RARB: variants seen among roughly 807,000 people sequenced by gnomAD.
The protein encoded by RARB is retinoic acid receptor beta, also known as HBV-activated protein.
RARB carries 17 observed loss-of-function variants against 51.9 expected under a neutral mutation model. That is an observed-to-expected ratio of 0.33 (90% confidence interval 0.22 to 0.49). RARB has a LOEUF of 0.49. Among genes scored for constraint, RARB ranks in the 20% least tolerant of loss-of-function variants. RARB has a pLI of 0.99. For synonymous variants in RARB, 215 were observed against 195.4 expected (o/e 1.10, Z -0.84); for missense variants, 369 against 550.8 (o/e 0.67, Z 3.30).
intron 5 of RARB, among the ~76,000 whole-genome samples, chr3:25,409,648 G>T (rs1365141458): frequency 6.6e-6 from 1 of 152,138 alleles, no homozygotes; most frequent in Non-Finnish European, 1.5e-5. Flanking sequence ...GGTATACAGA[G>T]TGCAAACTGC....
chr3:24,939,196 C>T (rs1695607835), intron 2 of RARB, among the ~76,000 whole-genome samples: 1 of 152,132 alleles, frequency 6.6e-6, no homozygotes, highest in Non-Finnish European at 1.5e-5. Context: ...GTTGGCCAGG[C>T]TTCTCTCAAA....
chr3:24,995,867 G>T (rs6771624), intron 2 of RARB, among the ~76,000 whole-genome samples: 1 of 151,768 alleles, frequency 6.6e-6, no homozygotes, highest in Non-Finnish European at 1.5e-5. Context: ...GTTTGCTAGT[G>T]TTTTGTTAAG....
chr3:25,258,467 T>C (rs762298466), intron 5 of RARB, among the ~76,000 whole-genome samples: 10 of 152,112 alleles, frequency 6.6e-5, no homozygotes, highest in Non-Finnish European at 1.3e-4. Context: ...ATGATTCTGA[T>C]AACATGATCT....
chr3:25,384,899 C>T (rs555898725), intron 5 of RARB, among the ~76,000 whole-genome samples: 9 of 152,288 alleles, frequency 5.9e-5, no homozygotes, highest in South Asian at 4.1e-4. Flanking sequence ...CATTTCTTTC[C>T]TTCATAGCCA....
intron 2 of RARB, among the ~76,000 whole-genome samples, chr3:25,040,657 G>A (rs969538049): frequency 6.6e-6 from 1 of 152,002 alleles, no homozygotes; most frequent in Non-Finnish European, 1.5e-5. Flanking sequence ...GGAGACTGAG[G>A]CAGAAGAATT....
rs1156800924 is a variant in RARB at position 25,303,436 on chromosome 3, T to G, written c.178+128861T>G. Among the ~76,000 whole-genome samples, 3 of 152,228 alleles carry G rather than the reference T, an allele frequency of 2.0e-5. No individual in the cohort carries two copies. The East Asian group carries it at 5.8e-4, about 29-fold the overall frequency. On this transcript the variant is annotated intron_variant, in intron 5 of 11. Coordinates refer to the RARB transcript ENST00000383772. Reference sequence around the variant, plus strand: ...TTTGACAACAATAGCAGAGCTGAGCTCCCATTAATTTTTTTGAGCTGGTGC... The same window carrying G: ...TTTGACAACAATAGCAGAGCTGAGCGCCCATTAATTTTTTTGAGCTGGTGC...
In RARB at chr3:25,312,752, A is replaced by G. The variant is rs138278617; in HGVS notation, c.178+138177A>G. On this transcript the variant is annotated intron_variant, in intron 5 of 11. Transcript: ENST00000383772. ...CTAGATTTCTAACCTCTGTTTTACA[A>G]TCTGCATAGATGGCCCCACTGGGGA... Among the ~76,000 whole-genome samples the G allele has an allele frequency of 1.8e-3, 275 of 152,322 alleles. 4 individuals are homozygous for G. In the East Asian group the frequency reaches 0.028, roughly 16 times the overall value.
chr3:25,215,774 G>C (rs910779889), intron 5 of RARB, among the ~76,000 whole-genome samples: 5 of 152,134 alleles, frequency 3.3e-5, no homozygotes, highest in African/African-American at 1.2e-4. Context: ...GAAAAAATAA[G>C]AGGCCACCTG....
At chr3:25,363,167 C>T (rs934429244) in intron 5 of RARB, among the ~76,000 whole-genome samples, 4 of 152,026 alleles carry the variant, frequency 2.6e-5, no homozygotes, top group African/African-American at 9.7e-5. Flanking sequence ...AAGAAGTATA[C>T]AGAAAACTAT....
At chr3:24,926,426 A>G (rs961773395) in intron 2 of RARB, among the ~76,000 whole-genome samples, 1 of 152,226 alleles carries the variant, frequency 6.6e-6, no homozygotes, top group East Asian at 1.9e-4. Context: ...ATCAAATACA[A>G]GTTCAATTGA....
At chr3:24,903,812 A>C (rs537127903) in intron 2 of RARB, among the ~76,000 whole-genome samples, 2 of 152,214 alleles carry the variant, frequency 1.3e-5, no homozygotes, top group African/African-American at 4.8e-5. Context: ...TATGTTCTCT[A>C]TACATTTTTA....
chr3:25,496,994 C>A (rs1004484413), intron 2 of RARB, among the ~76,000 whole-genome samples: 7 of 152,202 alleles, frequency 4.6e-5, no homozygotes, highest in African/African-American at 1.7e-4. Context: ...AAGCGATTCT[C>A]CTGCCTCAGC....
At chr3:25,349,723 A>G (rs1371641970) in intron 5 of RARB, among the ~76,000 whole-genome samples, 1 of 152,208 alleles carries the variant, frequency 6.6e-6, no homozygotes, top group Non-Finnish European at 1.5e-5. Flanking sequence ...TGTGTCTTTT[A>G]ATTTTGAAAT....
At chr3:24,891,556 C>T (rs1258373889) in intron 2 of RARB, among the ~76,000 whole-genome samples, 1 of 152,150 alleles carries the variant, frequency 6.6e-6, no homozygotes, top group Non-Finnish European at 1.5e-5. Context: ...CTTACCCACC[C>T]CCATCTCTAT....
chr3:25,241,418 C>T (rs1209345101), intron 5 of RARB, among the ~76,000 whole-genome samples: 2 of 152,090 alleles, frequency 1.3e-5, no homozygotes, highest in Non-Finnish European at 2.9e-5. Flanking sequence ...GCACCCATCA[C>T]CCCATCATCC....
chr3:25,047,801 G>A (rs1308975081), intron 2 of RARB, among the ~76,000 whole-genome samples: 1 of 152,176 alleles, frequency 6.6e-6, no homozygotes, highest in African/African-American at 2.4e-5. Flanking sequence ...GAATTATGCA[G>A]GTGGTTTTGC....
chr3:25,452,427 A>T (rs201443360), intron 1 of RARB, among the ~76,000 whole-genome samples: 5 of 151,850 alleles, frequency 3.3e-5, no homozygotes, highest in African/African-American at 1.2e-4. Context: ...TACAACACAG[A>T]GTGATTAGTG....
intron 5 of RARB, among the ~76,000 whole-genome samples, chr3:25,393,573 T>G (rs1707033396): frequency 6.6e-6 from 1 of 152,150 alleles, no homozygotes; most frequent in Admixed American, 6.5e-5. Flanking sequence ...CTGCTTGTTA[T>G]TGTTCTGTTA....
chr3:24,941,635 C>G (rs1246388226), intron 2 of RARB, among the ~76,000 whole-genome samples: 6 of 152,142 alleles, frequency 3.9e-5, no homozygotes, highest in Non-Finnish European at 8.8e-5. Context: ...CCCAAAGTTG[C>G]TGGGATTACA....
Sources: allele counts gnomAD v4.1 joint callset (sites outside exome capture counted in the v4.1 genomes callset), GRCh38; gene constraint gnomAD v4.1.1; transcripts MANE v1.5; gene names NCBI Gene and HGNC (gene_info 2026-07-23, HGNC 2026-07-21).